Variants in RABGAP1 observed in about 807,000 individuals in gnomAD.
The protein encoded by RABGAP1 is RAB GTPase activating protein 1, also known as rab GTPase-activating protein 1.
RABGAP1 carries 23 observed loss-of-function variants against 137.6 expected under a neutral mutation model. That is an observed-to-expected ratio of 0.17 (90% confidence interval 0.12 to 0.24). The LOEUF is 0.24. Among genes scored for constraint, RABGAP1 ranks in the 10% least tolerant of loss-of-function variants. The pLI is 1.00. For synonymous variants in RABGAP1, 451 were observed against 450.7 expected, an observed-to-expected ratio of 1.00 and a Z score of -0.01; for missense variants, 906 against 1,275.8, an observed-to-expected ratio of 0.71 and a Z score of 4.42.
At chr9:122,957,454 C>T (rs1246395367) in intron 2 of RABGAP1, among the ~76,000 whole-genome samples, 1 of 152,088 alleles carries the variant, frequency 6.6e-6, no homozygotes, top group Non-Finnish European at 1.5e-5. Flanking sequence ...ATAGTATAAA[C>T]ATTTGTCATT....
chr9:122,936,503 T>G (rs1229778989), upstream of RABGAP1, among the ~76,000 whole-genome samples: 1 of 152,210 alleles, frequency 6.6e-6, no homozygotes, highest in East Asian at 1.9e-4. Context: ...TTTCAGTCTC[T>G]GTCAGCTTTA....
At chr9:123,051,110 T>G (rs2033434782) in intron 13 of RABGAP1, among the ~76,000 whole-genome samples, 1 of 146,116 alleles carries the variant, frequency 6.8e-6, no homozygotes, top group Non-Finnish European at 1.5e-5. Flanking sequence ...AATACTCAAT[T>G]TTTTTTTTTT....
chr9:123,010,023 T>C (rs1163238265), intron 10 of RABGAP1, among the ~76,000 whole-genome samples: 1 of 152,236 alleles, frequency 6.6e-6, no homozygotes, highest in Non-Finnish European at 1.5e-5. Context: ...GTTAGCTCTT[T>C]AGTTGACACT....
At chr9:123,071,411 G>A (rs1163148829) in intron 15 of RABGAP1, 1 of 152,164 alleles carries the variant, frequency 6.6e-6, no homozygotes, top group Non-Finnish European at 1.5e-5. Context: ...TCATGATTCA[G>A]TTTAAAATGC....
At chr9:122,936,614 A>T (rs1382843896), upstream of RABGAP1, among the ~76,000 whole-genome samples, 1 of 152,184 alleles carries the variant, frequency 6.6e-6, no homozygotes, top group East Asian at 1.9e-4. Context: ...GGCGATACGA[A>T]CTTTGTCCTC....
At chr9:123,064,911 C>T (rs532376190) in intron 13 of RABGAP1, among the ~76,000 whole-genome samples, 1 of 152,280 alleles carries the variant, frequency 6.6e-6, no homozygotes, top group South Asian at 2.1e-4. Context: ...AGTAACTACT[C>T]TTTTCCATTT....
At chr9:122,982,048 CAA>C (rs761154597) in intron 2 of RABGAP1, among the ~76,000 whole-genome samples, 19 of 73,566 alleles carry the variant, frequency 2.6e-4, no homozygotes, top group Admixed American at 4.6e-4. Context: ...GACTCTGTCT[CAA>C]AAAAAAAAAA....
At position 123,020,442 on chromosome 9, in the gene RABGAP1, C is replaced by A. The variant is rs536606696; in HGVS notation, c.1777C>A (p.Arg593Ser). The A allele has an allele frequency of 6.3e-7, 1 of 1,595,756 alleles. No individual in the cohort carries two copies. Among genetic ancestry groups the A allele is most frequent in the Non-Finnish European group, 8.5e-7 (1 of 1,170,440 alleles). ...CAATGACCACCTGGTAGAGAAATAC[C>A]GCATTCTTATCACAAAGGTAAGGGG... ...HNNDHLVEKY[R>S]ILITKESPQD... Residue 593 changes from arginine to serine, a missense_variant, in exon 13 of 26, where the codon CGC (arginine) becomes AGC (serine). Arg to Ser is a moderately radical substitution (Grantham distance 110, BLOSUM62 -1). Coordinates refer to ENST00000373647, the MANE Select transcript of RABGAP1 (RefSeq NM_012197.4).
In RABGAP1 at chr9:122,961,423, C is replaced by T. The variant is rs546894938; in HGVS notation, c.150+4214C>T. ...TGTTAACCAACAATTCTATGTCCAG[C>T]AAAGCTATTATTCAAAACGGAAGGT... On this transcript the variant is annotated intron_variant, in intron 2 of 25. Transcript: ENST00000373647. Among the ~76,000 whole-genome samples, 35 of 152,130 alleles carry T rather than the reference C, an allele frequency of 2.3e-4. 1 individual carries two copies. The highest frequency in any genetic ancestry group is 4.6e-4 in the Non-Finnish European group (31 of 68,010).
At chr9:123,065,290 GA>G in intron 13 of RABGAP1, 57 bp from the exon 14 acceptor site, 7 of 1,273,540 alleles carry the variant, frequency 5.5e-6, no homozygotes, top group Non-Finnish European at 7.9e-6. Context: ...GCCTAAACCT[GA>G]ATAAGAGTTT....
At chr9:122,932,458 A>G in the RABGAP1 span, among the ~76,000 whole-genome samples, 1 of 151,984 alleles carries the variant, frequency 6.6e-6, no homozygotes, top group African/African-American at 2.4e-5. Flanking sequence ...TACAGCTCAT[A>G]AGTTTTTGTA....
intron 19 of RABGAP1, among the ~76,000 whole-genome samples, chr9:123,080,169 A>T (rs2034662479): frequency 6.6e-6 from 1 of 152,146 alleles, no homozygotes; most frequent in South Asian, 2.1e-4. Context: ...TCCAGATAGG[A>T]GGTATCTAAT....
At chr9:122,950,929 A>G (rs1353421254) in intron 1 of RABGAP1, among the ~76,000 whole-genome samples, 1 of 152,216 alleles carries the variant, frequency 6.6e-6, no homozygotes, top group African/African-American at 2.4e-5. Flanking sequence ...ATGGATGCAA[A>G]AGGATAAGAG....
chr9:123,035,639 CGTGTGTGTGTGTGTGT>C lies in RABGAP1; in HGVS notation c.1794+15209_1794+15224del, dbSNP rs5900552. 2,726 of 729,740 alleles carry C rather than the reference CGTGTGTGTGTGTGTGT, an allele frequency of 3.7e-3. 6 individuals are homozygous for C. Among genetic ancestry groups the C allele is most frequent in the African/African-American group, 9.8e-3 (548 of 56,200 alleles). The allele number at this position is 729,740 out of a possible 1,614,324, so 45.2% of individuals were successfully genotyped here. ...TGAAGTGGCTCAGTTACGGGGTTCC[CGTGTGTGTGTGTGTGT>C]GTGTGTGTGTGTGTGTGTGTGTGTG... On this transcript the variant is annotated intron_variant, in intron 13 of 25. Coordinates refer to ENST00000373647, the MANE Select transcript of RABGAP1 (RefSeq NM_012197.4).
At chr9:123,049,618 T>C (rs2033369988) in intron 13 of RABGAP1, among the ~76,000 whole-genome samples, 1 of 152,222 alleles carries the variant, frequency 6.6e-6, no homozygotes, top group African/African-American at 2.4e-5. Context: ...CTGATTTCTT[T>C]ATAATTTCAT....
intron 13 of RABGAP1, among the ~76,000 whole-genome samples, chr9:123,051,836 G>A (rs963089147): frequency 6.6e-6 from 1 of 151,292 alleles, no homozygotes; most frequent in Non-Finnish European, 1.5e-5. Context: ...CTGTCATCCA[G>A]GATGGAGTGC....
At position 123,029,394 on chromosome 9, in the gene RABGAP1, C is replaced by A. The variant is rs1588296828; in HGVS notation, c.1794+8935C>A. ...GGACCTGTTCATGCATCTTCACCAG[C>A]AGCTGGAGCATCTCTGCCCTTGGTA... On this transcript the variant is annotated intron_variant, in intron 13 of 25. Transcript: ENST00000373647. The A allele has an allele frequency of 2.8e-6, 4 of 1,428,424 alleles. No individual in the cohort carries two copies. In the East Asian group the frequency reaches 6.8e-5, roughly 24 times the overall value. The allele number at this position is 1,428,424 out of a possible 1,614,324, so 88.5% of individuals were successfully genotyped here.
At chr9:123,080,079 AC>A (rs1331471078) in intron 19 of RABGAP1, among the ~76,000 whole-genome samples, 1 of 152,190 alleles carries the variant, frequency 6.6e-6, no homozygotes, top group Non-Finnish European at 1.5e-5. Context: ...CAGAAGTTTT[AC>A]CTTTTGGATT....
At chr9:122,974,878 A>G (rs1835683452) in intron 2 of RABGAP1, among the ~76,000 whole-genome samples, 1 of 152,238 alleles carries the variant, frequency 6.6e-6, no homozygotes, top group East Asian at 1.9e-4. Flanking sequence ...TATAAAGTAA[A>G]TCATAAAGAA....
Sources: gnomAD v4.1 joint callset for allele counts (sites outside exome capture counted in the v4.1 genomes callset) on GRCh38, gnomAD v4.1.1 for gene constraint, MANE v1.5 for transcripts, NCBI Gene and HGNC (gene_info 2026-07-23, HGNC 2026-07-21) for gene names.